FMO5: variants seen among roughly 807,000 people sequenced by gnomAD.
FMO5 encodes the protein flavin containing dimethylaniline monoxygenase 5, also known as flavin-containing monooxygenase 5.
A neutral mutation model predicts 43.6 loss-of-function variants in FMO5; 51 were observed. The ratio of observed to expected loss-of-function variants is 1.17; its 90% CI spans 0.93 to 1.48. The LOEUF is 1.48. Among genes scored for constraint, FMO5 ranks in the 40% most tolerant of loss-of-function variants. The pLI is 0.00. For synonymous variants in FMO5, 187 were observed against 216.5 expected, an observed-to-expected ratio of 0.86 and a Z score of 1.20; for missense variants, 644 against 643.0, an observed-to-expected ratio of 1.00 and a Z score of -0.02.
intron 7 of FMO5, among the ~76,000 whole-genome samples, chr1:147,191,120 T>C (rs1553918362): frequency 5.3e-5 from 8 of 152,290 alleles, no homozygotes; most frequent in Non-Finnish European, 7.3e-5. Context: ...ACTTTGCTAT[T>C]GTGAATAGTG....
chr1:147,187,354 G>T, intron 8 of FMO5, 109 bp from the exon 9 acceptor site: 1 of 723,078 alleles, frequency 1.4e-6, no homozygotes, highest in Non-Finnish European at 2.3e-6. Flanking sequence ...ACTAGGAGCT[G>T]TGGAATATAG....
chr1:147,225,870 A>G (rs1292848391), upstream of FMO5: 1 of 152,188 alleles, frequency 6.6e-6, no homozygotes, highest in Non-Finnish European at 1.5e-5. Context: ...GCTCCCCGAA[A>G]AAGAAATTTT....
At chr1:147,209,395 A>G (rs28381192) in intron 5 of FMO5, among the ~76,000 whole-genome samples, 6,845 of 147,712 alleles carry the variant, frequency 0.046, 246 homozygotes, top group South Asian at 0.096. Flanking sequence ...CCAAGATCGC[A>G]CCACTGCACT....
downstream of FMO5, chr1:147,184,619 C>T (rs1303485801): frequency 6.5e-7 from 1 of 1,544,002 alleles, no homozygotes; most frequent in African/African-American, 1.4e-5. The surrounding 1 kb of genome is among the most constrained non-coding windows in gnomAD (Gnocchi z 4.4). Context: ...TGATGTTTTT[C>T]TCATGGTTAG....
chr1:147,209,357 C>G (rs957871279), intron 5 of FMO5, among the ~76,000 whole-genome samples: 15 of 149,738 alleles, frequency 1.0e-4, no homozygotes, highest in Admixed American at 7.4e-4. Flanking sequence ...AGAATGGCGT[C>G]AACCTGGGAG....
At chr1:147,204,978 G>A (rs1659722016) in intron 6 of FMO5, 8 of 1,141,406 alleles carry the variant, frequency 7.0e-6, no homozygotes, top group South Asian at 3.7e-5. Context: ...AGAAGACCGC[G>A]GAGGAACCAA....
At chr1:147,186,104 A>G (rs28381225), downstream of FMO5, among the ~76,000 whole-genome samples, 5,693 of 152,288 alleles carry the variant, frequency 0.037, 153 homozygotes, top group South Asian at 0.094. Context: ...GCTACTTATC[A>G]TATTTCCTAA....
At chr1:147,201,109 A>G (rs782755420) in intron 7 of FMO5, 43 bp downstream of exon 7, 20 of 1,401,694 alleles carry the variant, frequency 1.4e-5, no homozygotes, top group Non-Finnish European at 2.0e-5. Context: ...AGAGGTAAAC[A>G]TATCACCAAG....
At chr1:147,191,956 C>T (rs1234733025) in intron 7 of FMO5, among the ~76,000 whole-genome samples, 6 of 152,144 alleles carry the variant, frequency 3.9e-5, no homozygotes, top group African/African-American at 1.4e-4. Flanking sequence ...ATGCCTCCAG[C>T]TTTGTTCTTT....
At chr1:147,196,754 T>C (rs932019527) in intron 7 of FMO5, among the ~76,000 whole-genome samples, 10 of 152,034 alleles carry the variant, frequency 6.6e-5, no homozygotes, top group African/African-American at 1.2e-4. Flanking sequence ...CTTTGCTCCC[T>C]GTCTTAGTTT....
Position 147,186,463 on chromosome 1 carries a change from A to AC in FMO5, c.*436_*437insG. On this transcript the variant is annotated 3_prime_UTR_variant, in exon 9 of 9. Coordinates refer to ENST00000254090, the MANE Select transcript of FMO5 (RefSeq NM_001461.4). ...AGGAAACATATTTAGTTATAATATG[A>AC]AAAAAAACTAAAATTGAGCTTCTAA... 6 of 910,932 alleles carry AC rather than the reference A, an allele frequency of 6.6e-6. No homozygotes were observed. Among genetic ancestry groups the AC allele is most frequent in the Non-Finnish European group, 7.7e-6 (6 of 777,032 alleles). 56.4% of individuals were successfully genotyped at this position (910,932 alleles called of 1,614,324 possible).
chr1:147,226,116 T>TTC (rs1334056705), upstream of FMO5, among the ~76,000 whole-genome samples: 1 of 151,282 alleles, frequency 6.6e-6, no homozygotes, highest in Non-Finnish European at 1.5e-5. Flanking sequence ...ACTTTTTTTT[T>TTC]TTTCCAACTT....
At chr1:147,196,472 C>T (rs915286978) in intron 7 of FMO5, among the ~76,000 whole-genome samples, 4 of 151,646 alleles carry the variant, frequency 2.6e-5, no homozygotes, top group African/African-American at 9.7e-5. Flanking sequence ...GTGGGAGACA[C>T]CCAATTCATA....
At chr1:147,184,334 A>T, downstream of FMO5, 1 of 768,986 alleles carries the variant, frequency 1.3e-6, no homozygotes, top group South Asian at 4.9e-5. The surrounding 1 kb of genome is among the most constrained non-coding windows in gnomAD (Gnocchi z 4.4). Context: ...TTTATTGTTG[A>T]CATTTTACAT....
At chr1:147,219,949 C>T (rs1216328495) in intron 2 of FMO5, among the ~76,000 whole-genome samples, 1 of 151,502 alleles carries the variant, frequency 6.6e-6, no homozygotes, top group African/African-American at 2.4e-5. Context: ...AGCAATTCTC[C>T]TGCCTCAGCC....
At chr1:147,217,303 G>T (rs782054162) in intron 2 of FMO5, among the ~76,000 whole-genome samples, 2 of 151,896 alleles carry the variant, frequency 1.3e-5, no homozygotes, top group Non-Finnish European at 2.9e-5. Context: ...CATTGTTGTG[G>T]TGATCACATA....
intron 7 of FMO5, among the ~76,000 whole-genome samples, chr1:147,200,252 C>T (rs1463804355): frequency 6.6e-6 from 1 of 152,202 alleles, no homozygotes; most frequent in Admixed American, 6.5e-5. Context: ...TGAAGCTATA[C>T]TGAGTAAATC....
chr1:147,223,942 C>T (rs1374676268), intron 2 of FMO5: 11 of 376,174 alleles, frequency 2.9e-5, no homozygotes, highest in East Asian at 8.2e-5. Context: ...ATACCCCCAT[C>T]GAGACACCAC....
At chr1:147,189,018 G>A (rs1656173802) in intron 8 of FMO5, among the ~76,000 whole-genome samples, 1 of 152,186 alleles carries the variant, frequency 6.6e-6, no homozygotes, top group African/African-American at 2.4e-5. Context: ...GCTCATGCCT[G>A]TAATCCCAGC....
Sources: gnomAD v4.1 joint callset for allele counts (sites outside exome capture counted in the v4.1 genomes callset) on GRCh38, gnomAD v4.1.1 for gene constraint, Gnocchi (gnomAD v3.1) non-coding constraint, MANE v1.5 for transcripts, NCBI Gene and HGNC (gene_info 2026-07-23, HGNC 2026-07-21) for gene names.